KCNQ5: variants seen among roughly 807,000 people sequenced by gnomAD.
KCNQ5 encodes the protein potassium voltage-gated channel subfamily KQT member 5.
In KCNQ5, 30 loss-of-function variants were observed where a neutral mutation model predicts 98.2. The ratio of observed to expected loss-of-function variants is 0.31; its 90% confidence interval spans 0.23 to 0.41. The LOEUF (loss-of-function observed/expected upper bound fraction) is 0.41, where lower values mean the gene tolerates loss of function less well. KCNQ5 is among the 10% of genes least tolerant of loss of function. The pLI is 1.00. For missense variants in KCNQ5, 835 were observed against 1,182.5 expected (o/e 0.71, Z 4.31); for synonymous variants, 458 against 449.4 (o/e 1.02, Z -0.24).
chr6:72,987,199 C>T (rs908567679), intron 1 of KCNQ5: 2 of 685,124 alleles, frequency 2.9e-6, no homozygotes, highest in Non-Finnish European at 5.5e-6. Flanking sequence ...ATTGAGGAGC[C>T]GGCTCTGAAA....
At chr6:73,148,719 G>T (rs895219272) in intron 10 of KCNQ5, among the ~76,000 whole-genome samples, 7 of 152,176 alleles carry the variant, frequency 4.6e-5, no homozygotes, top group African/African-American at 1.7e-4. Context: ...GAGATAAGGA[G>T]ATGATGTTCT....
At chr6:72,775,883 G>A (rs1035845185) in intron 1 of KCNQ5, among the ~76,000 whole-genome samples, 2 of 152,138 alleles carry the variant, frequency 1.3e-5, no homozygotes, top group African/African-American at 4.8e-5. Context: ...TATCCTAGGA[G>A]ACACGAAATC....
At chr6:72,929,273 G>A (rs568818781) in intron 1 of KCNQ5, among the ~76,000 whole-genome samples, 80 of 152,216 alleles carry the variant, frequency 5.3e-4, no homozygotes, top group African/African-American at 1.9e-3. Context: ...TGTGGATGAA[G>A]AGAGGAGTTG....
intron 5 of KCNQ5, among the ~76,000 whole-genome samples, chr6:73,094,918 A>G (rs1345794049): frequency 6.6e-6 from 1 of 152,100 alleles, no homozygotes. Context: ...ATCTTTTTGC[A>G]ATGAATTTCC....
chr6:72,983,028 G>T (rs1562109785), intron 1 of KCNQ5, among the ~76,000 whole-genome samples: 1 of 152,194 alleles, frequency 6.6e-6, no homozygotes, highest in Non-Finnish European at 1.5e-5. Flanking sequence ...TTGAGTTTCT[G>T]CCGAGAGATC....
At chr6:73,118,787 C>T (rs751508410) in intron 7 of KCNQ5, among the ~76,000 whole-genome samples, 6 of 152,052 alleles carry the variant, frequency 3.9e-5, no homozygotes, top group Admixed American at 6.6e-5. Context: ...TTTGGGAGGC[C>T]GAGGTGGCAG....
chr6:72,874,855 A>C (rs1274220671), intron 1 of KCNQ5, among the ~76,000 whole-genome samples: 6 of 152,228 alleles, frequency 3.9e-5, no homozygotes, highest in Admixed American at 6.5e-5. Flanking sequence ...ACATCTGTAC[A>C]AAATGGAAAA....
chr6:73,069,296 G>A (rs1386256908), intron 3 of KCNQ5, among the ~76,000 whole-genome samples: 1 of 151,884 alleles, frequency 6.6e-6, no homozygotes, highest in African/African-American at 2.4e-5. Context: ...ATTTCAATCT[G>A]TGTAGAGTTC....
chr6:72,866,203 C>G (rs941959959), intron 1 of KCNQ5, among the ~76,000 whole-genome samples: 30 of 151,582 alleles, frequency 2.0e-4, no homozygotes, highest in Admixed American at 6.6e-5. Flanking sequence ...TTATTATGTC[C>G]CCTCAGAATT....
intron 1 of KCNQ5, among the ~76,000 whole-genome samples, chr6:72,920,954 C>T (rs977621598): frequency 3.9e-5 from 6 of 152,106 alleles, no homozygotes; most frequent in African/African-American, 1.2e-4. Context: ...TAATTAAACT[C>T]AATTCAACAG....
In KCNQ5 at chr6:72,820,295, A is replaced by G. The variant is rs896991186; in HGVS notation, c.399-183613A>G. ...AACTGAGGGACAAAGAGGTTAAATC[A>G]CTTGGATGAGTCATCCAACTGGTGA... On this transcript the variant is annotated intron_variant, in intron 1 of 13. Coordinates refer to ENST00000370398, the MANE Select transcript of KCNQ5 (RefSeq NM_019842.4). Among the ~76,000 whole-genome samples the G allele has an allele frequency of 1.3e-4, 20 of 152,150 alleles. 1 individual carries two copies. The highest frequency in any genetic ancestry group is 1.5e-5 in the Non-Finnish European group (1 of 68,022).
intron 1 of KCNQ5, among the ~76,000 whole-genome samples, chr6:72,932,234 C>T (rs541731452): frequency 3.0e-4 from 46 of 151,822 alleles, no homozygotes; most frequent in Admixed American, 2.6e-3. Flanking sequence ...AGAGCTGGGA[C>T]ATGGAAAATA....
chr6:72,971,006 A>G (rs1767864734), intron 1 of KCNQ5, among the ~76,000 whole-genome samples: 1 of 152,248 alleles, frequency 6.6e-6, no homozygotes, highest in African/African-American at 2.4e-5. Context: ...AATGGGATCT[A>G]CTTAAACTAA....
intron 11 of KCNQ5, 129 bp downstream of exon 11, chr6:73,169,983 A>T (rs1205647556): frequency 1.5e-6 from 1 of 661,224 alleles, no homozygotes; most frequent in Non-Finnish European, 2.7e-6. Flanking sequence ...ATTCATCCAT[A>T]TGCCTATTGA....
chr6:73,072,316 T>G (rs1332786279), intron 3 of KCNQ5, among the ~76,000 whole-genome samples: 1 of 152,206 alleles, frequency 6.6e-6, no homozygotes, highest in Non-Finnish European at 1.5e-5. Flanking sequence ...TCAACCATGC[T>G]TTGTTTGATC....
intron 1 of KCNQ5, among the ~76,000 whole-genome samples, chr6:72,941,769 T>C (rs1766327257): frequency 1.5e-5 from 2 of 129,536 alleles, no homozygotes; most frequent in African/African-American, 5.2e-5. Context: ...CAACTACTGA[T>C]TGCTGGTTTC....
At chr6:72,940,038 C>A (rs1022696721) in intron 1 of KCNQ5, among the ~76,000 whole-genome samples, 1 of 152,132 alleles carries the variant, frequency 6.6e-6, no homozygotes, top group Non-Finnish European at 1.5e-5. Flanking sequence ...ATTCATTCTT[C>A]TTAAAATGCC....
chr6:72,864,908 A>T (rs1777918606), intron 1 of KCNQ5, among the ~76,000 whole-genome samples: 1 of 152,220 alleles, frequency 6.6e-6, no homozygotes, highest in Admixed American at 6.5e-5. Context: ...TTTCAAGGAT[A>T]TGGGAAAACT....
At chr6:72,860,438 G>A (rs2796004) in intron 1 of KCNQ5, among the ~76,000 whole-genome samples, 150,937 of 152,300 alleles carry the variant, frequency 0.99, 74,808 homozygotes, top group East Asian at 1. Context: ...TAAGTGTGTG[G>A]CTTTGGCTTA....
Sources: gnomAD v4.1 joint callset for allele counts (sites outside exome capture counted in the v4.1 genomes callset) on GRCh38, gnomAD v4.1.1 for gene constraint, MANE v1.5 for transcripts, NCBI Gene and HGNC (gene_info 2026-07-23, HGNC 2026-07-21) for gene names.